Variants in ZNF596 observed in about 807,000 individuals in gnomAD.
ZNF596 encodes zinc finger protein 596.
Under a neutral mutation model 48.3 loss-of-function variants are expected in ZNF596, and 45 were observed. That is an observed-to-expected ratio of 0.93 (90% CI 0.73 to 1.19). The LOEUF is 1.19. Ranked by LOEUF, ZNF596 falls within the 50% of genes most tolerant of loss-of-function variation. The probability of loss-of-function intolerance (pLI) is 0.00; values close to 1 mark genes in which losing one functional copy is unlikely to be tolerated. For synonymous variants in ZNF596, 270 were observed against 202.0 expected, an observed-to-expected ratio of 1.34 and a Z score of -2.85; for missense variants, 848 against 599.7, an observed-to-expected ratio of 1.41 and a Z score of -4.32.
chr8:235,667 A>T (rs1449807832), intron 1 of ZNF596, among the ~76,000 whole-genome samples: 1 of 152,178 alleles, frequency 6.6e-6, no homozygotes, highest in East Asian at 1.9e-4. Context: ...GTACGCACAC[A>T]CAAACACACA....
Position 245,196 on chromosome 8 carries a change from G to C in ZNF596, c.349G>C (p.Gly117Arg), listed in dbSNP as rs925974841. ...GGATCCTTTTCTATGCAATGACTTAGGAGAAGATTTCACTCAACATATAGC... is the reference window on the plus strand; with the variant it reads ...GGATCCTTTTCTATGCAATGACTTACGAGAAGATTTCACTCAACATATAGC... Reference protein sequence around the residue: ...QEDPFLCNDLGEDFTQHIALT... With the variant: ...QEDPFLCNDLREDFTQHIALT... Residue 117 changes from glycine to arginine, a missense_variant, in exon 6 of 6, where the codon GGA (glycine) becomes CGA (arginine). Gly to Arg is a moderately radical substitution (Grantham distance 125). Coordinates refer to ENST00000398612, the MANE Select transcript of ZNF596 (RefSeq NM_001042416.3). 1.2e-6 allele frequency: 2 copies of C among 1,608,970 alleles called. No homozygotes were observed. Among genetic ancestry groups the C allele is most frequent in the Non-Finnish European group, 1.7e-6 (2 of 1,176,934 alleles).
rs773738033 is a variant in ZNF596, at chr8:245,743, G to C, written c.896G>C (p.Arg299Thr). Reference protein sequence around the residue: ...THCSDLRKHERTHLGDKPYGC... With the variant: ...THCSDLRKHETTHLGDKPYGC... ...TGCTCTGACCTTAGAAAACATGAGAGAACTCACTTAGGAGATAAACCATAT... is the reference window on the plus strand; with the variant it reads ...TGCTCTGACCTTAGAAAACATGAGACAACTCACTTAGGAGATAAACCATAT... The change falls in exon 6 of 6, where the codon AGA (arginine) becomes ACA (threonine). Residue 299 changes from arginine to threonine, a missense_variant. Coordinates refer to ENST00000398612, the MANE Select transcript of ZNF596 (RefSeq NM_001042416.3). The C allele has an allele frequency of 6.8e-6, 11 of 1,614,114 alleles. No individual in the cohort carries two copies. The highest frequency in any genetic ancestry group is 1.3e-5 in the African/African-American group (1 of 75,038).
intron 1 of ZNF596, among the ~76,000 whole-genome samples, chr8:235,206 T>A (rs1342469153): frequency 6.6e-6 from 1 of 152,214 alleles, no homozygotes; most frequent in Non-Finnish European, 1.5e-5. Flanking sequence ...GGAGGGAGTT[T>A]TATAAATTGT....
chr8:246,315 C>T lies in ZNF596; in HGVS notation c.1468C>T (p.Leu490Phe). Residue 490 changes from leucine (L) to phenylalanine (F), a missense_variant, in exon 6 of 6, where the codon CTT (leucine) becomes TTT (phenylalanine). Transcript: ENST00000398612. ...GAAAGCCTTTAGTAAATTTTTTAAC[C>T]TTAGACAACATGAGAGAACTCACAC... Reference protein sequence around the residue: ...CGKAFSKFFNLRQHERTHTKK... With the variant: ...CGKAFSKFFNFRQHERTHTKK... The T allele has an allele frequency of 6.2e-7, 1 of 1,604,448 alleles. No individual in the cohort carries two copies. The highest frequency in any genetic ancestry group is 1.7e-5 in the Admixed American group (1 of 57,674).
chr8:244,554 G>A (rs1796982760), intron 4 of ZNF596, 65 bp from the exon 5 acceptor site: 5 of 1,086,518 alleles, frequency 4.6e-6, no homozygotes, highest in Non-Finnish European at 4.2e-6. Context: ...ATGGGCTTTG[G>A]AGCTATTTAA....
chr8:243,619 C>A, intron 3 of ZNF596, 103 bp from the exon 4 acceptor site: 1 of 1,067,616 alleles, frequency 9.4e-7, no homozygotes. Flanking sequence ...GGCTGACCTT[C>A]AGTGGCTAAC....
In ZNF596 at chr8:245,819, A is replaced by G; in HGVS notation, c.972A>G (p.Gln324=). ...TCAGTAAATGTTCTTACCTTAGACA[A>G]CATGAAAGAACTCACAATGGAGAGA... ...KAFSKCSYLR[Q]HERTHNGEKP... Residue 324 remains glutamine, a synonymous_variant, in exon 6 of 6, where the codon CAA becomes CAG. Coordinates refer to ENST00000398612, the MANE Select transcript of ZNF596 (RefSeq NM_001042416.3). 6.2e-7 allele frequency: 1 copy of G among 1,614,164 alleles called. No homozygotes were observed. Among genetic ancestry groups the G allele is most frequent in the Non-Finnish European group, 8.5e-7 (1 of 1,180,008 alleles).
rs2117128253 is a variant in ZNF596 at position 247,122 on chromosome 8, CAG to C, written c.*761_*762del. ...CAGCTTTTATGTCAAAAAAGTGAGA[CAG>C]GGATGAAAACTCTAAAAAGCCATTG... On this transcript the variant is annotated 3_prime_UTR_variant, in exon 6 of 6. Transcript: ENST00000398612. 1 of 152,082 alleles carries C rather than the reference CAG, an allele frequency of 6.6e-6. No individual in the cohort carries two copies. The highest frequency in any genetic ancestry group is 1.9e-4 in the East Asian group (1 of 5,164). The allele number at this position is 152,082 out of a possible 1,614,324, so 9.4% of individuals were successfully genotyped here.
At chr8:236,067 A>C (rs1363900926) in intron 1 of ZNF596, among the ~76,000 whole-genome samples, 3 of 152,216 alleles carry the variant, frequency 2.0e-5, no homozygotes, top group Non-Finnish European at 4.4e-5. Context: ...TATGTCCTCC[A>C]TTCTAATAAT....
intron 1 of ZNF596, 149 bp from the exon 2 acceptor site, chr8:240,675 C>T (rs778938775): frequency 2.6e-5 from 15 of 585,504 alleles, no homozygotes; most frequent in African/African-American, 2.4e-4. Context: ...TTTCTTCTGA[C>T]CCTGGGAGAG....
intron 1 of ZNF596, chr8:232,900 G>C (rs1415049424): frequency 4.3e-6 from 2 of 468,330 alleles, no homozygotes; most frequent in African/African-American, 4.2e-5. Flanking sequence ...TGGGGTAGGG[G>C]ACCTGCCCGA....
At chr8:233,005 C>G (rs1280170396) in intron 1 of ZNF596, 61 of 468,512 alleles carry the variant, frequency 1.3e-4, no homozygotes, top group Non-Finnish European at 2.2e-5. Context: ...GAAGCGGGCT[C>G]TTCCTTGGCA....
chr8:234,002 G>A (rs1230003485), intron 1 of ZNF596, among the ~76,000 whole-genome samples: 1 of 152,166 alleles, frequency 6.6e-6, no homozygotes, highest in Admixed American at 6.5e-5. Flanking sequence ...CACACATAGT[G>A]ACACAAGGCA....
chr8:241,917 C>A (rs1436320617), intron 2 of ZNF596, among the ~76,000 whole-genome samples: 1 of 151,992 alleles, frequency 6.6e-6, no homozygotes, highest in East Asian at 1.9e-4. Context: ...GGAGAGAGAC[C>A]AAATCAGGAA....
intron 2 of ZNF596, 71 bp from the exon 3 acceptor site, chr8:242,816 A>C: frequency 7.3e-7 from 1 of 1,364,326 alleles, no homozygotes; most frequent in Non-Finnish European, 9.6e-7. Flanking sequence ...TAGTACAGTC[A>C]CTTTGATCTT....
chr8:243,520 T>C (rs920451905), intron 3 of ZNF596: 5 of 445,824 alleles, frequency 1.1e-5, no homozygotes, highest in Non-Finnish European at 2.0e-5. Context: ...CATCAGCAAT[T>C]ATAGGTCTTT....
Position 233,455 on chromosome 8 carries a change from T to A in ZNF596, c.-73+761T>A, listed in dbSNP as rs369456581. The A allele has an allele frequency of 4.8e-4, 132 of 277,550 alleles. No individual in the cohort carries two copies. In the East Asian group the frequency reaches 0.013, roughly 26 times the overall value. 17.2% of individuals were successfully genotyped at this position (277,550 alleles called of 1,614,324 possible). On this transcript the variant is annotated intron_variant, in intron 1 of 5. Transcript: ENST00000398612. ...TTTACTAAATGCTTTTTACATTAAT[T>A]CAGTGTGCACTTCGTAAGGATAATG...
At chr8:236,537 T>A (rs1796620755) in intron 1 of ZNF596, among the ~76,000 whole-genome samples, 1 of 152,230 alleles carries the variant, frequency 6.6e-6, no homozygotes, top group Non-Finnish European at 1.5e-5. Flanking sequence ...CTGAATATAT[T>A]GTTGAGATTT....
At chr8:236,635 GT>G (rs1266016140) in intron 1 of ZNF596, among the ~76,000 whole-genome samples, 1 of 152,066 alleles carries the variant, frequency 6.6e-6, no homozygotes, top group South Asian at 2.1e-4. Context: ...ATATGAAAAT[GT>G]TTTTTCAAAG....
Sources: gnomAD v4.1 joint callset for allele counts (sites outside exome capture counted in the v4.1 genomes callset) on GRCh38, gnomAD v4.1.1 for gene constraint, MANE v1.5 for transcripts, NCBI Gene and HGNC (gene_info 2026-07-23, HGNC 2026-07-21) for gene names.